The following CDH4 variants were observed in gnomAD, a reference collection of about 807,000 sequenced individuals.
The protein encoded by CDH4 is cadherin-4.
A neutral mutation model predicts 86.0 loss-of-function variants in CDH4; 33 were observed. The ratio of observed to expected loss-of-function variants is 0.38; its 90% confidence interval spans 0.29 to 0.51. The LOEUF is 0.51. CDH4 is among the 20% of genes least tolerant of loss of function. CDH4 has a pLI of 0.86. For synonymous variants in CDH4, 555 were observed against 549.4 expected (o/e 1.01, Z -0.14); for missense variants, 1,114 against 1,307.4 (o/e 0.85, Z 2.28).
chr20:61,455,838 C>T (rs1239350912), intron 2 of CDH4, among the ~76,000 whole-genome samples: 1 of 152,010 alleles, frequency 6.6e-6, no homozygotes. Flanking sequence ...CAGCATGGGA[C>T]CAAGCAAGCA....
chr20:61,820,841 G>A (rs1378142961), intron 4 of CDH4, among the ~76,000 whole-genome samples: 1 of 152,116 alleles, frequency 6.6e-6, no homozygotes, highest in Non-Finnish European at 1.5e-5. Flanking sequence ...GCCAGGCAGG[G>A]AGGCTGTGCC....
chr20:61,897,908 C>T (rs940419657), intron 8 of CDH4, among the ~76,000 whole-genome samples: 2 of 152,236 alleles, frequency 1.3e-5, no homozygotes, highest in Non-Finnish European at 2.9e-5. Context: ...CTAACACAGT[C>T]CGGGAGAGGA....
chr20:61,304,267 C>CCG (rs562733196), intron 2 of CDH4, among the ~76,000 whole-genome samples: 1 of 151,730 alleles, frequency 6.6e-6, no homozygotes, highest in African/African-American at 2.4e-5. Flanking sequence ...GACGGCACCC[C>CCG]CCCAACCCCC....
intron 5 of CDH4, among the ~76,000 whole-genome samples, chr20:61,848,183 C>T (rs1982545332): frequency 6.6e-6 from 1 of 152,214 alleles, no homozygotes; most frequent in South Asian, 2.1e-4. Flanking sequence ...CCTGCAGGCC[C>T]CAGCCCTCAC....
chr20:61,867,242 G>T (rs538834766), intron 6 of CDH4, among the ~76,000 whole-genome samples: 2 of 152,208 alleles, frequency 1.3e-5, no homozygotes, highest in Non-Finnish European at 2.9e-5. Flanking sequence ...AGAAGCAGGG[G>T]ACCTCCCCTC....
At chr20:61,522,337 A>G (rs1452765734) in intron 2 of CDH4, among the ~76,000 whole-genome samples, 1 of 152,140 alleles carries the variant, frequency 6.6e-6, no homozygotes. Flanking sequence ...ATGGGGCCAG[A>G]TTTCCTCCCA....
intron 2 of CDH4, among the ~76,000 whole-genome samples, chr20:61,413,593 G>A (rs1325686184): frequency 6.6e-6 from 1 of 152,216 alleles, no homozygotes. Flanking sequence ...CGCCCTGTGC[G>A]ATGGCTGTTA....
chr20:61,911,591 C>T (rs779727221), intron 9 of CDH4, among the ~76,000 whole-genome samples: 16 of 152,050 alleles, frequency 1.1e-4, no homozygotes, highest in Admixed American at 3.9e-4. Context: ...GTAGGATCTG[C>T]CGAAGCGTAA....
intron 2 of CDH4, among the ~76,000 whole-genome samples, chr20:61,532,598 C>T (rs373476753): frequency 1.3e-5 from 2 of 152,148 alleles, no homozygotes; most frequent in African/African-American, 2.4e-5. Flanking sequence ...ATGCAAGCAG[C>T]GAGTCTGTGA....
intron 2 of CDH4, among the ~76,000 whole-genome samples, chr20:61,280,587 G>A (rs781211077): frequency 1.3e-5 from 2 of 152,224 alleles, no homozygotes; most frequent in Non-Finnish European, 2.9e-5. Flanking sequence ...GAAAAATACT[G>A]TGTTTATTTA....
At chr20:61,598,395 A>G (rs1359749597) in intron 2 of CDH4, among the ~76,000 whole-genome samples, 1 of 82,092 alleles carries the variant, frequency 1.2e-5, no homozygotes, top group African/African-American at 4.9e-5. Context: ...TGCACCCCCC[A>G]AAACCCCCAG....
intron 2 of CDH4, among the ~76,000 whole-genome samples, chr20:61,286,162 T>A (rs886680365): frequency 2.0e-5 from 3 of 152,226 alleles, no homozygotes; most frequent in African/African-American, 7.2e-5. Context: ...AATGCCCTTT[T>A]GCACTGAACA....
chr20:61,545,850 ATG>A (rs1282883652), intron 2 of CDH4, among the ~76,000 whole-genome samples: 7 of 68,802 alleles, frequency 1.0e-4, no homozygotes, highest in Admixed American at 3.1e-4. Context: ...GTGGAGGGGT[ATG>A]TGTGCATGTG....
chr20:61,323,120 CA>C (rs1415013443), intron 2 of CDH4, among the ~76,000 whole-genome samples: 2 of 152,144 alleles, frequency 1.3e-5, no homozygotes, highest in Non-Finnish European at 2.9e-5. Context: ...ATGACGGTGG[CA>C]AGAGGATAGC....
chr20:61,524,752 G>A (rs1243584401), intron 2 of CDH4, among the ~76,000 whole-genome samples: 1 of 151,990 alleles, frequency 6.6e-6, no homozygotes, highest in Non-Finnish European at 1.5e-5. Context: ...CAAAGTTCTG[G>A]GATTACAGGT....
At chr20:61,284,997 A>AAG (rs1403878400) in intron 2 of CDH4, among the ~76,000 whole-genome samples, 1 of 152,076 alleles carries the variant, frequency 6.6e-6, no homozygotes, top group Admixed American at 6.5e-5. Flanking sequence ...CCTGCTCTGT[A>AAG]AGGACACAGC....
At chr20:61,714,268 C>A (rs981237050) in intron 2 of CDH4, among the ~76,000 whole-genome samples, 1 of 151,856 alleles carries the variant, frequency 6.6e-6, no homozygotes, top group Admixed American at 6.6e-5. Flanking sequence ...GGATGGTCTC[C>A]ATCTCCTGAC....
chr20:61,823,618 G>T (rs1981168261), intron 4 of CDH4, among the ~76,000 whole-genome samples: 2 of 152,188 alleles, frequency 1.3e-5, no homozygotes, highest in Admixed American at 6.5e-5. Flanking sequence ...AAATGTGGCA[G>T]GATGAGGACT....
chr20:61,680,182 T>C (rs1471653354), intron 2 of CDH4, among the ~76,000 whole-genome samples: 2 of 152,114 alleles, frequency 1.3e-5, no homozygotes, highest in Non-Finnish European at 2.9e-5. Context: ...GGCTCCACCA[T>C]AGCCCAGTCA....
Sources: gnomAD v4.1 joint callset for allele counts (sites outside exome capture counted in the v4.1 genomes callset) on GRCh38, gnomAD v4.1.1 for gene constraint, MANE v1.5 for transcripts, NCBI Gene and HGNC (gene_info 2026-07-23, HGNC 2026-07-21) for gene names.